Variants in CCSER1 observed in about 807,000 individuals in gnomAD.
The protein encoded by CCSER1 is serine-rich coiled-coil domain-containing protein 1.
Under a neutral mutation model 82.0 loss-of-function variants are expected in CCSER1, and 41 were observed. That is an observed-to-expected ratio of 0.50 (90% CI 0.39 to 0.65). The LOEUF is 0.65. Ranked by LOEUF, CCSER1 falls within the 30% of genes least tolerant of loss-of-function variation. CCSER1 has a pLI of 0.00. For synonymous variants in CCSER1, 414 were observed against 383.9 expected, an observed-to-expected ratio of 1.08 and a Z score of -0.92; for missense variants, 1,119 against 1,064.2, an observed-to-expected ratio of 1.05 and a Z score of -0.72.
chr4:90,416,344 A>G (rs1218390408), intron 4 of CCSER1, among the ~76,000 whole-genome samples: 1 of 152,190 alleles, frequency 6.6e-6, no homozygotes, highest in Non-Finnish European at 1.5e-5. Context: ...TTGCACCTTA[A>G]TGATTCATTC....
At chr4:90,886,783 A>G (rs1722184290) in intron 8 of CCSER1, among the ~76,000 whole-genome samples, 1 of 152,176 alleles carries the variant, frequency 6.6e-6, no homozygotes, top group African/African-American at 2.4e-5. Flanking sequence ...TGAAGCTACC[A>G]TTATAAAGAA....
Position 91,352,964 on chromosome 4 carries a change from A to G in CCSER1, c.2218-245608A>G, listed in dbSNP as rs140715116. Reference sequence around the variant, plus strand: ...CAATGTTGAAAAAAATAGACAGTGTATGGGAAGAGGGTGAGAGAAAGCTGC... The same window carrying G: ...CAATGTTGAAAAAAATAGACAGTGTGTGGGAAGAGGGTGAGAGAAAGCTGC... On this transcript the variant is annotated intron_variant, in intron 10 of 10. Coordinates refer to ENST00000509176, the MANE Select transcript of CCSER1 (RefSeq NM_001145065.2). 9.0e-3 allele frequency among the ~76,000 whole-genome samples: 1,367 copies of G among 152,288 alleles called. 5 individuals carry two copies. The highest frequency in any genetic ancestry group is 0.013 in the Non-Finnish European group (874 of 68,026).
chr4:90,622,856 T>C, intron 5 of CCSER1, among the ~76,000 whole-genome samples: 1 of 152,078 alleles, frequency 6.6e-6, no homozygotes, highest in Admixed American at 6.6e-5. Flanking sequence ...TCTTCCACAA[T>C]GGTTGAACTA....
At chr4:90,606,454 A>T (rs1784715895) in intron 5 of CCSER1, among the ~76,000 whole-genome samples, 2 of 152,196 alleles carry the variant, frequency 1.3e-5, no homozygotes, top group South Asian at 4.1e-4. Flanking sequence ...ATCACGAGGC[A>T]GCTCGTTTAT....
intron 10 of CCSER1, among the ~76,000 whole-genome samples, chr4:91,462,983 C>A (rs1035414770): frequency 3.9e-5 from 6 of 152,122 alleles, no homozygotes; most frequent in Non-Finnish European, 8.8e-5. Flanking sequence ...CTTAAATGTC[C>A]CGGTCTGACA....
chr4:90,228,382 G>A (rs1054337226), intron 1 of CCSER1, among the ~76,000 whole-genome samples: 2 of 152,120 alleles, frequency 1.3e-5, no homozygotes, highest in African/African-American at 4.8e-5. Flanking sequence ...TCACAGGGCT[G>A]GGTACTCCAA....
At chr4:91,195,939 C>A (rs1031845415) in intron 10 of CCSER1, among the ~76,000 whole-genome samples, 1 of 152,162 alleles carries the variant, frequency 6.6e-6, no homozygotes, top group South Asian at 2.1e-4. Context: ...AGGATGGTCT[C>A]GATCTCCTGA....
At position 90,473,897 on chromosome 4, in the gene CCSER1, C is replaced by A. The variant is rs980173105; in HGVS notation, c.1724+5543C>A. Reference sequence around the variant, plus strand: ...GTTAATTTATCAAAAATAGGTAATTCTTCAGTGTCTGCTTTGTTTTTGGCA... The same window carrying A: ...GTTAATTTATCAAAAATAGGTAATTATTCAGTGTCTGCTTTGTTTTTGGCA... On this transcript the variant is annotated intron_variant, in intron 5 of 10. Coordinates refer to ENST00000509176, the MANE Select transcript of CCSER1 (RefSeq NM_001145065.2). Among the ~76,000 whole-genome samples, 3 of 152,260 alleles carry A rather than the reference C, an allele frequency of 2.0e-5. No individual in the cohort carries two copies. The South Asian group carries it at 6.2e-4, about 32-fold the overall frequency.
intron 5 of CCSER1, among the ~76,000 whole-genome samples, chr4:90,533,601 G>C (rs1579011333): frequency 6.6e-6 from 1 of 152,198 alleles, no homozygotes; most frequent in East Asian, 1.9e-4. Context: ...GTTTATAACT[G>C]ATACTTGTAG....
At chr4:91,018,750 A>G (rs575339943) in intron 9 of CCSER1, among the ~76,000 whole-genome samples, 1 of 151,836 alleles carries the variant, frequency 6.6e-6, no homozygotes, top group African/African-American at 2.4e-5. Context: ...TTGATATATT[A>G]CTTCCTAATC....
chr4:90,214,905 C>T (rs1740744771), intron 1 of CCSER1, among the ~76,000 whole-genome samples: 1 of 151,862 alleles, frequency 6.6e-6, no homozygotes, highest in African/African-American at 2.4e-5. Flanking sequence ...AATTTTATTC[C>T]TTTTAATATA....
At chr4:90,208,356 C>T (rs907606985) in intron 1 of CCSER1, among the ~76,000 whole-genome samples, 2 of 152,174 alleles carry the variant, frequency 1.3e-5, no homozygotes, top group African/African-American at 2.4e-5. Flanking sequence ...CCTCCCCCAA[C>T]CAAGCTCAAG....
chr4:90,332,172 T>C (rs1739411295), intron 3 of CCSER1, among the ~76,000 whole-genome samples: 1 of 152,096 alleles, frequency 6.6e-6, no homozygotes, highest in African/African-American at 2.4e-5. Flanking sequence ...ACTTTCATGC[T>C]TTATAGAACG....
chr4:91,144,904 G>A (rs1004194179), intron 10 of CCSER1, among the ~76,000 whole-genome samples: 11 of 152,030 alleles, frequency 7.2e-5, no homozygotes, highest in Non-Finnish European at 1.5e-4. Flanking sequence ...CTTAAAGTAT[G>A]TACTGTGTGC....
chr4:90,524,389 A>T (rs1218956244), intron 5 of CCSER1, among the ~76,000 whole-genome samples: 3 of 152,202 alleles, frequency 2.0e-5, no homozygotes, highest in Admixed American at 6.5e-5. Context: ...GCAGAAAAAC[A>T]GTGGGATGTA....
chr4:90,297,665 C>A (rs995791840), intron 1 of CCSER1, among the ~76,000 whole-genome samples: 1 of 151,280 alleles, frequency 6.6e-6, no homozygotes, highest in Admixed American at 6.6e-5. Flanking sequence ...TGAGATACAT[C>A]CCATCAACAC....
chr4:90,486,531 G>A (rs1018499901), intron 5 of CCSER1, among the ~76,000 whole-genome samples: 1 of 152,158 alleles, frequency 6.6e-6, no homozygotes, highest in Non-Finnish European at 1.5e-5. Context: ...TTTGGGATCA[G>A]CAATGCACTT....
chr4:91,589,574 C>CTTTTTTTTTT (rs11411865), intron 10 of CCSER1, among the ~76,000 whole-genome samples: 3 of 144,610 alleles, frequency 2.1e-5, no homozygotes, highest in Non-Finnish European at 3.0e-5. Flanking sequence ...ACAAGAGGCT[C>CTTTTTTTTTT]TTTTTTTTTT....
chr4:91,257,045 A>G (rs1018871476), intron 10 of CCSER1, among the ~76,000 whole-genome samples: 14 of 152,286 alleles, frequency 9.2e-5, no homozygotes, highest in African/African-American at 3.1e-4. Flanking sequence ...ATTTTAAGAG[A>G]TAAATCTTGT....
Sources: gnomAD v4.1 joint callset for allele counts (sites outside exome capture counted in the v4.1 genomes callset) on GRCh38, gnomAD v4.1.1 for gene constraint, MANE v1.5 for transcripts, NCBI Gene and HGNC (gene_info 2026-07-23, HGNC 2026-07-21) for gene names.